The following LRRC74A variants were observed in gnomAD, a reference collection of about 807,000 sequenced individuals.
The protein encoded by LRRC74A is leucine-rich repeat-containing protein 74A.
LRRC74A carries 44 observed loss-of-function variants against 57.9 expected under a neutral mutation model. That is an observed-to-expected ratio of 0.76 (90% confidence interval 0.60 to 0.98). LRRC74A has a LOEUF of 0.98. Among genes scored for constraint, LRRC74A ranks in the 50% least tolerant of loss-of-function variants. LRRC74A has a pLI of 0.00. For missense variants in LRRC74A, 572 were observed against 574.0 expected, an observed-to-expected ratio of 1.00 and a Z score of 0.04; for synonymous variants, 211 against 219.4, an observed-to-expected ratio of 0.96 and a Z score of 0.34.
rs61989403 is a variant in LRRC74A at position 76,836,174 on chromosome 14, G to C, written c.340-33G>C. The C allele has an allele frequency of 1.6e-3, 2,480 of 1,527,298 alleles. 6 individuals carry two copies. Among genetic ancestry groups the C allele is most frequent in the Non-Finnish European group, 2.1e-3 (2,357 of 1,105,300 alleles). The allele number at this position is 1,527,298 out of a possible 1,614,324, so 94.6% of individuals were successfully genotyped here. On this transcript the variant is annotated intron_variant, in intron 3 of 13. Coordinates refer to ENST00000689127, the MANE Select transcript of LRRC74A (RefSeq NM_001385106.1). The stretch of plus-strand genomic sequence containing the variant: ...ACTGACTGGGTCACCAACCACTTCT[G>C]TGTCTCTCTCCCTCCCCTTGTGCTG...
intron 9 of LRRC74A, among the ~76,000 whole-genome samples, chr14:76,855,653 A>G (rs1172046563): frequency 6.6e-6 from 1 of 152,134 alleles, no homozygotes; most frequent in Non-Finnish European, 1.5e-5. Flanking sequence ...CCCATTAGGA[A>G]GTGAGTCCAG....
intron 11 of LRRC74A, among the ~76,000 whole-genome samples, chr14:76,864,434 A>AGGGGG (rs1566744817): frequency 2.4e-4 from 1 of 4,216 alleles, no homozygotes. Context: ...TGGCGGGGGG[A>AGGGGG]AGGGGGGTGG....
At chr14:76,836,421 G>A in intron 4 of LRRC74A, 107 bp downstream of exon 4, 1 of 673,204 alleles carries the variant, frequency 1.5e-6, no homozygotes, top group Non-Finnish European at 2.6e-6. Context: ...CCAGGCTCCT[G>A]CCCGCCCCTG....
intron 2 of LRRC74A, among the ~76,000 whole-genome samples, chr14:76,830,012 C>G (rs1286613508): frequency 2.6e-5 from 4 of 152,160 alleles, no homozygotes; most frequent in Non-Finnish European, 5.9e-5. Context: ...CTACTGGCAT[C>G]TTGTGGGTCC....
intron 5 of LRRC74A, 116 bp downstream of exon 5, chr14:76,838,087 C>G (rs1394744720): frequency 3.0e-6 from 2 of 671,396 alleles, no homozygotes; most frequent in African/African-American, 1.8e-5. Flanking sequence ...TCTTGGAGAC[C>G]AGAATACTGC....
At position 76,837,976 on chromosome 14, in the gene LRRC74A, G is replaced by A. The variant is rs1896484310; in HGVS notation, c.544+5G>A. Reference sequence around the variant, plus strand: ...TCTGGAGCCTTGAGCTTTCAGGTGAGCACATGGAAAGGGAGGGAGAAGACA... The same window carrying A: ...TCTGGAGCCTTGAGCTTTCAGGTGAACACATGGAAAGGGAGGGAGAAGACA... On this transcript the variant is annotated splice_donor_5th_base_variant and intron_variant, in intron 5 of 13. Transcript: ENST00000689127. 5.2e-6 allele frequency: 8 copies of A among 1,544,470 alleles called. No individual in the cohort carries two copies. The highest frequency in any genetic ancestry group is 7.0e-6 in the Non-Finnish European group (8 of 1,135,006).
rs1033115057 is a variant in LRRC74A, at chr14:76,840,702, G to T, written c.544+2731G>T. Among the ~76,000 whole-genome samples the T allele has an allele frequency of 4.2e-4, 63 of 150,472 alleles. No homozygotes were observed. The Admixed American group carries it at 4.2e-3, about 10-fold the overall frequency. On this transcript the variant is annotated intron_variant, in intron 5 of 13. Coordinates refer to ENST00000689127, the MANE Select transcript of LRRC74A (RefSeq NM_001385106.1). Reference sequence around the variant, plus strand: ...GGGTTCACACCATTCTCCTGCCTCAGCCTCCCGAGTAGCGGGGACTACAGG... The same window carrying T: ...GGGTTCACACCATTCTCCTGCCTCATCCTCCCGAGTAGCGGGGACTACAGG...
At chr14:76,865,015 T>C (rs1898668685) in intron 11 of LRRC74A, among the ~76,000 whole-genome samples, 1 of 152,210 alleles carries the variant, frequency 6.6e-6, no homozygotes, top group Admixed American at 6.6e-5. Flanking sequence ...TGATGTCAGA[T>C]AGATAGTTAA....
chr14:76,862,650 T>C (rs562261424), intron 11 of LRRC74A, among the ~76,000 whole-genome samples: 10 of 152,300 alleles, frequency 6.6e-5, no homozygotes, highest in African/African-American at 2.4e-4. Flanking sequence ...AAAGGATGAC[T>C]TCTTGGAAGA....
At chr14:76,851,702 T>A (rs1414374834) in intron 7 of LRRC74A, among the ~76,000 whole-genome samples, 2 of 140,568 alleles carry the variant, frequency 1.4e-5, no homozygotes, top group Non-Finnish European at 3.1e-5. Context: ...AGTCTCGCTC[T>A]GTCGCCAGGC....
rs1375764205 is a variant in LRRC74A, at chr14:76,857,377, T to C, written c.958-3T>C. On this transcript the variant is annotated splice_polypyrimidine_tract_variant and splice_region_variant and intron_variant, in intron 9 of 13. Transcript: ENST00000689127. ...TCCTCTTGTCTTGATTCTCCCTCTA[T>C]AGCTTTTCCTGAATCCCATAAATAT... The C allele has an allele frequency of 3.8e-6, 6 of 1,565,632 alleles. No individual in the cohort carries two copies. Among genetic ancestry groups the C allele is most frequent in the African/African-American group, 2.7e-5 (2 of 74,160 alleles).
chr14:76,830,679 C>T (rs1895908366), intron 2 of LRRC74A, among the ~76,000 whole-genome samples: 1 of 152,216 alleles, frequency 6.6e-6, no homozygotes, highest in Admixed American at 6.5e-5. Context: ...TTTGAGAAGT[C>T]CACTCTGTCC....
At position 76,867,706 on chromosome 14, in the gene LRRC74A, C is replaced by G. The variant is rs568710432; in HGVS notation, c.1391+268C>G. On this transcript the variant is annotated intron_variant, in intron 13 of 13. Transcript: ENST00000689127. ...CGGGAGGAGCCGGAGCCCACACTCA[C>G]AGCCCAGGAGGAGGGCAGGCAAGGG... is the stretch of plus-strand genomic sequence containing the variant. Among the ~76,000 whole-genome samples the G allele has an allele frequency of 9.2e-5, 14 of 152,272 alleles. No individual in the cohort carries two copies. The South Asian group carries it at 1.7e-3, about 18-fold the overall frequency.
intron 4 of LRRC74A, among the ~76,000 whole-genome samples, chr14:76,836,781 G>A: frequency 1.0e-5 from 1 of 98,642 alleles, no homozygotes; most frequent in African/African-American, 4.0e-5. Flanking sequence ...ACAAGAATGA[G>A]ACTCCATCTC....
chr14:76,866,098 C>G (rs1185593810), intron 12 of LRRC74A, 23 bp downstream of exon 12: 3 of 1,460,938 alleles, frequency 2.1e-6, no homozygotes, highest in Admixed American at 3.8e-5. Context: ...CTAGTGGCAA[C>G]AGGCTGTGTG....
chr14:76,868,134 A>C lies in LRRC74A; in HGVS notation c.1391+696A>C, dbSNP rs535470429. On this transcript the variant is annotated intron_variant, in intron 13 of 13. Coordinates refer to ENST00000689127, the MANE Select transcript of LRRC74A (RefSeq NM_001385106.1). ...CAATGCTGCCATCACCCCACTTAGC[A>C]AGTGATGAAACAGAGCTCTAGAGAA... Among the ~76,000 whole-genome samples the C allele has an allele frequency of 2.6e-3, 390 of 152,296 alleles. 1 individual carries two copies. The highest frequency in any genetic ancestry group is 4.8e-3 in the Non-Finnish European group (324 of 68,018).
chr14:76,842,686 T>C (rs1481516316), intron 5 of LRRC74A, among the ~76,000 whole-genome samples: 3 of 149,126 alleles, frequency 2.0e-5, no homozygotes, highest in South Asian at 2.1e-4. Context: ...CATTCATTCA[T>C]TCACTCACTT....
intron 7 of LRRC74A, among the ~76,000 whole-genome samples, chr14:76,847,016 C>A (rs891599473): frequency 6.6e-6 from 1 of 152,038 alleles, no homozygotes. Context: ...GTCGAACTGA[C>A]CTTTGGGTCA....
intron 9 of LRRC74A, among the ~76,000 whole-genome samples, chr14:76,856,853 G>T (rs1214327088): frequency 6.7e-6 from 1 of 149,830 alleles, no homozygotes; most frequent in Admixed American, 6.7e-5. Flanking sequence ...ATGAGGAGAT[G>T]GACAGGTGGA....
Sources: gnomAD v4.1 joint callset for allele counts (sites outside exome capture counted in the v4.1 genomes callset) on GRCh38, gnomAD v4.1.1 for gene constraint, MANE v1.5 for transcripts, NCBI Gene and HGNC (gene_info 2026-07-23, HGNC 2026-07-21) for gene names.